ANKRD13C: variants seen among roughly 807,000 people sequenced by gnomAD.
ANKRD13C encodes the protein ankyrin repeat domain-containing protein 13C.
Under a neutral mutation model 65.5 loss-of-function variants are expected in ANKRD13C, and 16 were observed. That is an observed-to-expected ratio of 0.24 (90% CI 0.17 to 0.37). The LOEUF (loss-of-function observed/expected upper bound fraction) is 0.37. ANKRD13C is among the 10% of genes least tolerant of loss of function. ANKRD13C has a pLI of 1.00. For synonymous variants in ANKRD13C, 235 were observed against 238.7 expected, an observed-to-expected ratio of 0.98 and a Z score of 0.14; for missense variants, 503 against 655.9, an observed-to-expected ratio of 0.77 and a Z score of 2.55.
At chr1:70,325,336 T>C (rs571511863) in intron 2 of ANKRD13C, among the ~76,000 whole-genome samples, 114 of 152,342 alleles carry the variant, frequency 7.5e-4, no homozygotes, top group Non-Finnish European at 8.4e-4. Flanking sequence ...GATCTGTGTG[T>C]CCATAATGTC....
At chr1:70,302,751 A>G (rs201799680) in intron 6 of ANKRD13C, among the ~76,000 whole-genome samples, 1 of 109,604 alleles carries the variant, frequency 9.1e-6, no homozygotes, top group Non-Finnish European at 1.8e-5. Flanking sequence ...AAAAAAAAAA[A>G]AAAAGAAAAT....
At chr1:70,329,625 T>C (rs943858840) in intron 2 of ANKRD13C, among the ~76,000 whole-genome samples, 1 of 152,198 alleles carries the variant, frequency 6.6e-6, no homozygotes, top group Admixed American at 6.5e-5. Context: ...GTAAGATTTA[T>C]ACATTGTGCT....
chr1:70,276,358 AAAG>A (rs1301793436), intron 10 of ANKRD13C, among the ~76,000 whole-genome samples: 1 of 152,204 alleles, frequency 6.6e-6, no homozygotes, highest in African/African-American at 2.4e-5. Flanking sequence ...GGAAAGGCAA[AAAG>A]AAGATAAATA....
rs199589444 is a variant in ANKRD13C, at chr1:70,277,456, CA to C, written c.1216-613del. Among the ~76,000 whole-genome samples, 106 of 59,758 alleles carry C rather than the reference CA, an allele frequency of 1.8e-3. No individual in the cohort carries two copies. The East Asian group carries it at 0.025, about 14-fold the overall frequency. The allele number at this position is 59,758 out of a possible 152,430, so 39.2% of individuals were successfully genotyped here. A position where few individuals can be genotyped will look rare whatever the true frequency, so the allele number is the denominator to read the frequency against. On this transcript the variant is annotated intron_variant, in intron 9 of 12. Coordinates refer to ENST00000370944, the MANE Select transcript of ANKRD13C (RefSeq NM_030816.5). ...TGGGTGACAGAAGCAGACTCCACCT[CA>C]AAAAAAAAAAAAACAAAACTCTGAT...
intron 12 of ANKRD13C, among the ~76,000 whole-genome samples, chr1:70,267,070 T>C (rs1489310725): frequency 6.6e-6 from 1 of 152,200 alleles, no homozygotes; most frequent in Middle Eastern, 3.2e-3. Context: ...TCCTTTCCAT[T>C]CTTTCAATTT....
Position 70,270,905 on chromosome 1 carries a change from A to T in ANKRD13C, c.1446T>A (p.Leu482=), listed in dbSNP as rs745676367. Residue 482 remains leucine (L), a synonymous_variant, in exon 12 of 13, where the codon CTT becomes CTA. Transcript: ENST00000370944. ...GAAGCTTCATCTGAACAAATTCTCT[A>T]AGCTTGTTAAAGTGCTTGAAGGGAG... The part of the protein sequence containing the change: ...VVAPFKHFNK[L]REFVQMKLPP... 2 of 1,613,338 alleles carry T rather than the reference A, an allele frequency of 1.2e-6. No individual in the cohort carries two copies. Among genetic ancestry groups the T allele is most frequent in the South Asian group, 1.1e-5 (1 of 90,998 alleles).
At chr1:70,347,571 G>A (rs904657049) in intron 1 of ANKRD13C, among the ~76,000 whole-genome samples, 1 of 152,130 alleles carries the variant, frequency 6.6e-6, no homozygotes, top group African/African-American at 2.4e-5. Context: ...CAGAAAAGGG[G>A]AGAAGAGGAT....
chr1:70,335,036 T>TA (rs1681960281), intron 2 of ANKRD13C, among the ~76,000 whole-genome samples: 1 of 152,296 alleles, frequency 6.6e-6, no homozygotes, highest in African/African-American at 2.4e-5. Flanking sequence ...TTCATAATGA[T>TA]ACTTCTAGAT....
At chr1:70,336,849 T>C (rs1176167335) in intron 1 of ANKRD13C, among the ~76,000 whole-genome samples, 2 of 152,176 alleles carry the variant, frequency 1.3e-5, no homozygotes, top group Admixed American at 1.3e-4. Flanking sequence ...AGCTGTGCTA[T>C]GAAGTTTGGA....
intron 2 of ANKRD13C, among the ~76,000 whole-genome samples, chr1:70,328,760 G>A (rs1397808128): frequency 6.6e-6 from 1 of 152,154 alleles, no homozygotes; most frequent in Non-Finnish European, 1.5e-5. Flanking sequence ...ATAGAGAAAT[G>A]TATGTAAGAA....
intron 7 of ANKRD13C, among the ~76,000 whole-genome samples, chr1:70,297,296 T>TTTTTTTTG (rs1680129252): frequency 7.0e-6 from 1 of 142,920 alleles, no homozygotes; most frequent in African/African-American, 2.6e-5. Flanking sequence ...GATTTTTTTT[T>TTTTTTTTG]TTTTTTTTTT....
At chr1:70,268,037 T>G (rs948410542) in intron 12 of ANKRD13C, among the ~76,000 whole-genome samples, 3 of 152,160 alleles carry the variant, frequency 2.0e-5, no homozygotes, top group Non-Finnish European at 4.4e-5. Flanking sequence ...CAGGTGCTTT[T>G]TTGTTGTTGT....
rs1432453801 is a variant in ANKRD13C, at chr1:70,268,996, G to A, written c.1495+1860C>T. 1.3e-4 allele frequency among the ~76,000 whole-genome samples: 19 copies of A among 151,324 alleles called. 2 individuals carry two copies. Among genetic ancestry groups the A allele is most frequent in the East Asian group, 3.9e-4 (2 of 5,138 alleles). On this transcript the variant is annotated intron_variant, in intron 12 of 12. Coordinates refer to ENST00000370944, the MANE Select transcript of ANKRD13C (RefSeq NM_030816.5). ...GCTGGTGCGCTGCACCCACTAACTC[G>A]TCATCTAGCATTAGGTATATCTCCC...
At chr1:70,335,894 T>C (rs1682004505) in intron 2 of ANKRD13C, among the ~76,000 whole-genome samples, 164 bp downstream of exon 2, 1 of 151,558 alleles carries the variant, frequency 6.6e-6, no homozygotes, top group Non-Finnish European at 1.5e-5. Flanking sequence ...AAAAGGGCCA[T>C]GGAAAACAAG....
intron 1 of ANKRD13C, among the ~76,000 whole-genome samples, chr1:70,351,740 T>C (rs1682752864): frequency 1.3e-5 from 2 of 152,156 alleles, no homozygotes; most frequent in South Asian, 4.1e-4. Context: ...GTATTTATCT[T>C]CTATAATTTT....
chr1:70,306,169 AT>A, intron 6 of ANKRD13C, 54 bp downstream of exon 6: 2 of 1,301,210 alleles, frequency 1.5e-6, no homozygotes, highest in Non-Finnish European at 2.1e-6. Context: ...AGGGAAAAAA[AT>A]CTTCCTCTAA....
intron 9 of ANKRD13C, among the ~76,000 whole-genome samples, chr1:70,283,643 C>A (rs774789585): frequency 2.1e-4 from 32 of 151,678 alleles, no homozygotes; most frequent in Non-Finnish European, 4.0e-4. Context: ...GATGAAACCC[C>A]GTCTCTACTA....
intron 2 of ANKRD13C, among the ~76,000 whole-genome samples, chr1:70,335,681 T>A (rs1681992570): frequency 6.7e-6 from 1 of 149,722 alleles, no homozygotes; most frequent in Admixed American, 6.7e-5. Context: ...AGGCTCAACT[T>A]ATGACTTTAT....
At position 70,301,649 on chromosome 1, in the gene ANKRD13C, A is replaced by G. The variant is rs777999952; in HGVS notation, c.777-741T>C. On this transcript the variant is annotated intron_variant, in intron 6 of 12. Coordinates refer to ENST00000370944, the MANE Select transcript of ANKRD13C (RefSeq NM_030816.5). ...CTGGAAACCTTACAGATCATTCTGT[A>G]TCTAATACTCATGGATTCACACATT... Among the ~76,000 whole-genome samples the G allele has an allele frequency of 1.2e-4, 18 of 152,304 alleles. No individual in the cohort carries two copies. In the East Asian group the frequency reaches 3.1e-3, roughly 26 times the overall value.
Sources: gnomAD v4.1 joint callset for allele counts (sites outside exome capture counted in the v4.1 genomes callset) on GRCh38, gnomAD v4.1.1 for gene constraint, MANE v1.5 for transcripts, NCBI Gene and HGNC (gene_info 2026-07-23, HGNC 2026-07-21) for gene names.